Variants in CHIC1 observed in about 807,000 individuals in gnomAD.
CHIC1 encodes the protein cysteine rich hydrophobic domain 1.
A neutral mutation model predicts 18.5 loss-of-function variants in CHIC1; 7 were observed. The observed-to-expected ratio is 0.38, with a 90% CI of 0.22 to 0.71. CHIC1 has a LOEUF of 0.71. CHIC1 is among the 30% of genes least tolerant of loss of function. The pLI is 0.49. For missense variants in CHIC1, 159 were observed against 176.9 expected (o/e 0.90, Z 0.57); for synonymous variants, 77 against 73.5 (o/e 1.05, Z -0.25).
At chrX:73,672,939 TG>T (rs2058039745) in intron 3 of CHIC1, among the ~76,000 whole-genome samples, 2 of 112,032 alleles carry the variant, frequency 1.8e-5, no homozygotes, top group Non-Finnish European at 3.8e-5. Context: ...AATTAATTTT[TG>T]TATAAGGTGT....
intron 3 of CHIC1, among the ~76,000 whole-genome samples, chrX:73,595,849 T>G (rs1276961845): frequency 8.9e-6 from 1 of 111,756 alleles, no homozygotes; most frequent in Non-Finnish European, 1.9e-5. Context: ...GTTTCCTGAC[T>G]TTTTAATGAT....
chrX:73,640,191 T>A, intron 3 of CHIC1, among the ~76,000 whole-genome samples: 1 of 111,757 alleles, frequency 8.9e-6, no homozygotes, highest in Non-Finnish European at 1.9e-5. Context: ...TCTTATTACT[T>A]TAAAGTATAT....
chrX:73,664,096 G>A (rs1025542135), intron 3 of CHIC1, among the ~76,000 whole-genome samples: 2 of 110,946 alleles, frequency 1.8e-5, no homozygotes, highest in African/African-American at 6.6e-5. Context: ...GAGGACTGTG[G>A]GCTTTTCATC....
chrX:73,645,969 G>C (rs753329751), intron 3 of CHIC1, among the ~76,000 whole-genome samples: 1 of 111,676 alleles, frequency 9.0e-6, no homozygotes, highest in Non-Finnish European at 1.9e-5. Flanking sequence ...ACCCAGACCA[G>C]TGTCATGGAG....
chrX:73,683,175 C>T lies in CHIC1; in HGVS notation c.*2170C>T, dbSNP rs1286782488. ...GAATACAGTATATCTGGAAATGACA[C>T]AGTATAATACAAGTTACAGTAGCAT... On this transcript the variant is annotated 3_prime_UTR_variant, in exon 6 of 6. Coordinates refer to ENST00000373502, the MANE Select transcript of CHIC1 (RefSeq NM_001039840.4). 3 of 110,942 alleles carry T rather than the reference C, an allele frequency of 2.7e-5. No homozygotes were observed. The highest frequency in any genetic ancestry group is 5.7e-5 in the Non-Finnish European group (3 of 52,713). The allele number at this position is 110,942 out of a possible 1,213,427, so 9.1% of individuals were successfully genotyped here.
chrX:73,628,797 T>C (rs937580848), intron 3 of CHIC1, among the ~76,000 whole-genome samples: 3 of 111,474 alleles, frequency 2.7e-5, no homozygotes, highest in Non-Finnish European at 5.6e-5. Context: ...GTTATTTCTT[T>C]ATAGATAGTT....
chrX:73,644,489 C>T (rs1362169892), intron 3 of CHIC1, among the ~76,000 whole-genome samples: 1 of 112,472 alleles, frequency 8.9e-6, no homozygotes, highest in Non-Finnish European at 1.9e-5. Context: ...AGAAGTGGAG[C>T]CTACAGAGGC....
intron 3 of CHIC1, among the ~76,000 whole-genome samples, chrX:73,658,769 A>C (rs768418374): frequency 1.8e-5 from 2 of 111,860 alleles, no homozygotes; most frequent in Non-Finnish European, 1.9e-5. Context: ...GTGGGCATTT[A>C]GTGCTATAAA....
chrX:73,611,569 G>C (rs1200966994), intron 3 of CHIC1, among the ~76,000 whole-genome samples: 1 of 107,884 alleles, frequency 9.3e-6, no homozygotes, highest in Non-Finnish European at 1.9e-5. Context: ...GGTATTTCTA[G>C]TTCTAGATCC....
At chrX:73,634,619 T>C (rs200432717) in intron 3 of CHIC1, among the ~76,000 whole-genome samples, 1 of 110,956 alleles carries the variant, frequency 9.0e-6, no homozygotes, top group East Asian at 2.9e-4. Flanking sequence ...TGTGGTGGAG[T>C]CTTTAAGCAA....
chrX:73,647,292 A>G (rs2147605804), intron 3 of CHIC1, among the ~76,000 whole-genome samples: 1 of 112,371 alleles, frequency 8.9e-6, no homozygotes, highest in Admixed American at 9.4e-5. Flanking sequence ...GTTTCTAGTT[A>G]GAACTTAACT....
rs1469131920 is a variant in CHIC1, at chrX:73,607,501, C to T, written c.507+22929C>T. 5.6e-5 allele frequency among the ~76,000 whole-genome samples: 6 copies of T among 107,485 alleles called. No individual in the cohort carries two copies. The East Asian group carries it at 1.7e-3, about 31-fold the overall frequency. The allele number at this position is 107,485 out of a possible 115,157, so 93.3% of individuals were successfully genotyped here. The stretch of plus-strand genomic sequence containing the variant: ...TCCAGGGGAGTGAACATTTCTATCT[C>T]GCTGACATTCCAGGAGCCACTGGGG... On this transcript the variant is annotated intron_variant, in intron 3 of 5. Transcript: ENST00000373502.
chrX:73,640,264 G>A lies in CHIC1; in HGVS notation c.508-39062G>A, dbSNP rs141464988. 6.5e-3 allele frequency among the ~76,000 whole-genome samples: 727 copies of A among 111,629 alleles called. 8 individuals carry two copies. The highest frequency in any genetic ancestry group is 0.022 in the African/African-American group (673 of 30,789). On this transcript the variant is annotated intron_variant, in intron 3 of 5. Coordinates refer to ENST00000373502, the MANE Select transcript of CHIC1 (RefSeq NM_001039840.4). Reference sequence around the variant, plus strand: ...GACAGGATATTGATTTTGTGAAAGCGTTTTCTGCATCTATTGAGATAATCA... The same window carrying A: ...GACAGGATATTGATTTTGTGAAAGCATTTTCTGCATCTATTGAGATAATCA...
chrX:73,620,922 A>G (rs1280326154), intron 3 of CHIC1, among the ~76,000 whole-genome samples: 3 of 112,045 alleles, frequency 2.7e-5, no homozygotes, highest in African/African-American at 9.8e-5. Context: ...GCATATGACT[A>G]GCAAGTTTTC....
intron 3 of CHIC1, among the ~76,000 whole-genome samples, chrX:73,651,028 T>C (rs920013925): frequency 8.9e-6 from 1 of 111,742 alleles, no homozygotes; most frequent in Non-Finnish European, 1.9e-5. Context: ...GCAAGGCTGG[T>C]TCAACATACA....
chrX:73,599,588 A>G (rs1418774630), intron 3 of CHIC1, among the ~76,000 whole-genome samples: 3 of 103,657 alleles, frequency 2.9e-5, no homozygotes, highest in Non-Finnish European at 5.8e-5. Context: ...ATTAAATAGG[A>G]AATCCTTTCC....
chrX:73,592,478 T>G (rs1295458049), intron 3 of CHIC1, among the ~76,000 whole-genome samples: 6 of 111,933 alleles, frequency 5.4e-5, no homozygotes, highest in Non-Finnish European at 5.6e-5. Flanking sequence ...GGTCTTTGTT[T>G]TTTGTCCTGT....
chrX:73,656,668 T>C (rs1443581084), intron 3 of CHIC1, among the ~76,000 whole-genome samples: 1 of 111,412 alleles, frequency 9.0e-6, no homozygotes, highest in Non-Finnish European at 1.9e-5. Context: ...GTGTGTCTGT[T>C]CTTTTACCAG....
intron 3 of CHIC1, among the ~76,000 whole-genome samples, chrX:73,647,597 C>T (rs961573696): frequency 8.9e-6 from 1 of 112,561 alleles, no homozygotes; most frequent in Non-Finnish European, 1.9e-5. Context: ...ATGTGGCAGA[C>T]TGTGGCCAGA....
Sources: gnomAD v4.1 joint callset for allele counts (sites outside exome capture counted in the v4.1 genomes callset) on GRCh38, gnomAD v4.1.1 for gene constraint, MANE v1.5 for transcripts, NCBI Gene and HGNC (gene_info 2026-07-23, HGNC 2026-07-21) for gene names.